Variants in AGBL4 observed in about 807,000 individuals in gnomAD.
AGBL4 encodes AGBL carboxypeptidase 4, also known as cytosolic carboxypeptidase 6.
A neutral mutation model predicts 66.4 loss-of-function variants in AGBL4; 58 were observed. The observed-to-expected ratio is 0.87, with a 90% CI of 0.71 to 1.09. AGBL4 has a LOEUF of 1.09. AGBL4 is among the 50% of genes least tolerant of loss of function. The pLI, the probability that AGBL4 is intolerant of heterozygous loss-of-function variation, is 0.00. For missense variants in AGBL4, 579 were observed against 631.0 expected, an observed-to-expected ratio of 0.92 and a Z score of 0.88; for synonymous variants, 234 against 222.9, an observed-to-expected ratio of 1.05 and a Z score of -0.44.
At chr1:48,729,981 G>C (rs1178853735) in intron 6 of AGBL4, among the ~76,000 whole-genome samples, 1 of 152,038 alleles carries the variant, frequency 6.6e-6, no homozygotes, top group Non-Finnish European at 1.5e-5. Flanking sequence ...CCACCTGTCA[G>C]GGACCTTGCT....
intron 3 of AGBL4, among the ~76,000 whole-genome samples, chr1:49,375,705 A>G (rs1481131504): frequency 1.3e-5 from 2 of 152,132 alleles, no homozygotes; most frequent in Non-Finnish European, 2.9e-5. Flanking sequence ...AGCACAATTC[A>G]TCATTTCTTC....
At chr1:50,022,401 T>C (rs1243475386) in intron 1 of AGBL4, among the ~76,000 whole-genome samples, 1 of 152,172 alleles carries the variant, frequency 6.6e-6, no homozygotes, top group Non-Finnish European at 1.5e-5. Context: ...CGATATTTGT[T>C]GAGTGGATGA....
At chr1:48,908,213 G>A (rs1379146089) in intron 5 of AGBL4, among the ~76,000 whole-genome samples, 1 of 152,114 alleles carries the variant, frequency 6.6e-6, no homozygotes, top group Non-Finnish European at 1.5e-5. Context: ...CTGACATCTT[G>A]TAATTATGCC....
intron 3 of AGBL4, among the ~76,000 whole-genome samples, chr1:49,578,419 T>G (rs1644477997): frequency 6.6e-6 from 1 of 152,136 alleles, no homozygotes; most frequent in Non-Finnish European, 1.5e-5. Context: ...AAAAAAACCA[T>G]GACCTGCTGA....
chr1:49,368,042 C>T (rs1644273523), intron 3 of AGBL4, among the ~76,000 whole-genome samples: 1 of 151,990 alleles, frequency 6.6e-6, no homozygotes, highest in Admixed American at 6.6e-5. Flanking sequence ...GTCTGGATTC[C>T]CTCACTTTGC....
intron 4 of AGBL4, among the ~76,000 whole-genome samples, chr1:49,185,027 G>A (rs1056452256): frequency 4.6e-5 from 7 of 152,052 alleles, no homozygotes; most frequent in East Asian, 1.9e-4. Context: ...CACAATAATC[G>A]TTGGCATTAA....
At chr1:49,412,705 G>A (rs969212698) in intron 3 of AGBL4, among the ~76,000 whole-genome samples, 2 of 152,168 alleles carry the variant, frequency 1.3e-5, no homozygotes, top group Non-Finnish European at 2.9e-5. Flanking sequence ...ATCTAGGAAT[G>A]AAATTACATA....
intron 3 of AGBL4, among the ~76,000 whole-genome samples, chr1:49,445,978 A>T (rs2148675100): frequency 6.6e-6 from 1 of 152,224 alleles, no homozygotes; most frequent in South Asian, 2.1e-4. Flanking sequence ...CAGCCCTCTG[A>T]GTAGCTGGGA....
intron 5 of AGBL4, among the ~76,000 whole-genome samples, chr1:48,913,844 G>A (rs1653357796): frequency 6.6e-6 from 1 of 152,180 alleles, no homozygotes; most frequent in African/African-American, 2.4e-5. Flanking sequence ...GTGCCAGAGA[G>A]GTTGGGGACT....
chr1:48,665,235 C>G (rs779994316), intron 6 of AGBL4, among the ~76,000 whole-genome samples: 11 of 152,160 alleles, frequency 7.2e-5, no homozygotes, highest in South Asian at 4.1e-4. Context: ...AAGGGAGAGA[C>G]AGAAGGCTCA....
chr1:48,541,968 T>G (rs527405303), intron 11 of AGBL4, among the ~76,000 whole-genome samples: 3 of 152,172 alleles, frequency 2.0e-5, no homozygotes, highest in Middle Eastern at 6.8e-3. Flanking sequence ...ATTAGGTATT[T>G]CTCCTAATGC....
chr1:48,659,548 A>C (rs1341285078), intron 7 of AGBL4, among the ~76,000 whole-genome samples: 1 of 152,262 alleles, frequency 6.6e-6, no homozygotes, highest in Non-Finnish European at 1.5e-5. Context: ...AGGAAGAGTC[A>C]GTGAAAGAAC....
At chr1:48,837,686 A>G (rs867074329) in intron 6 of AGBL4, among the ~76,000 whole-genome samples, 13 of 121,964 alleles carry the variant, frequency 1.1e-4, no homozygotes, top group Non-Finnish European at 1.5e-4. Context: ...ACACACACAC[A>G]CGCACACACA....
At chr1:48,720,161 G>T (rs12121925) in intron 6 of AGBL4, among the ~76,000 whole-genome samples, 45,223 of 152,052 alleles carry the variant, frequency 0.3, 7,502 homozygotes, top group East Asian at 0.7. Flanking sequence ...GGGACTCAGA[G>T]ATCAACACAG....
intron 7 of AGBL4, among the ~76,000 whole-genome samples, chr1:48,658,745 G>A (rs1191751126): frequency 4.6e-5 from 7 of 152,158 alleles, no homozygotes; most frequent in African/African-American, 1.7e-4. Flanking sequence ...GCAGAATGGG[G>A]GAGGAGCAAA....
rs890385512 is a variant in AGBL4 at position 48,559,947 on chromosome 1, C to G, written c.1268-20209G>C. On this transcript the variant is annotated intron_variant, in intron 11 of 13. Transcript: ENST00000371839. ...ATTTGTTTAATAACTATTGATGGAGCCTGTGTCTGTGCTTATGTTCTCCTT... is the reference window on the plus strand; with the variant it reads ...ATTTGTTTAATAACTATTGATGGAGGCTGTGTCTGTGCTTATGTTCTCCTT... Among the ~76,000 whole-genome samples, 29 of 152,104 alleles carry G rather than the reference C, an allele frequency of 1.9e-4. 1 individual carries two copies. Among genetic ancestry groups the G allele is most frequent in the African/African-American group, 6.3e-4 (26 of 41,426 alleles).
intron 6 of AGBL4, among the ~76,000 whole-genome samples, chr1:48,749,235 CT>C (rs1366596083): frequency 3.3e-5 from 5 of 152,236 alleles, no homozygotes; most frequent in African/African-American, 4.8e-5. Flanking sequence ...ATGTATCTCT[CT>C]TTTTTTCTCT....
intron 3 of AGBL4, among the ~76,000 whole-genome samples, chr1:49,424,764 T>TGTG (rs2148647904): frequency 6.6e-6 from 1 of 152,316 alleles, no homozygotes; most frequent in Admixed American, 6.5e-5. Flanking sequence ...AGAAGGCTCT[T>TGTG]GTGGTCTAAT....
chr1:49,142,415 C>A (rs1646136302), intron 4 of AGBL4, among the ~76,000 whole-genome samples: 1 of 152,172 alleles, frequency 6.6e-6, no homozygotes, highest in African/African-American at 2.4e-5. Context: ...CCTGGCTCTG[C>A]CACTCACTAG....
Sources: allele counts gnomAD v4.1 joint callset (sites outside exome capture counted in the v4.1 genomes callset), GRCh38; gene constraint gnomAD v4.1.1; transcripts MANE v1.5; gene names NCBI Gene and HGNC (gene_info 2026-07-23, HGNC 2026-07-21).